Variants in NDUFS4 observed in about 807,000 individuals in gnomAD.
NDUFS4 encodes NADH:ubiquinone oxidoreductase subunit S4.
NDUFS4 carries 28 observed loss-of-function variants against 24.3 expected under a neutral mutation model. That is an observed-to-expected ratio of 1.15 (90% CI 0.85 to 1.58). The LOEUF (loss-of-function observed/expected upper bound fraction) is 1.58, where lower values mean the gene tolerates loss of function less well. NDUFS4 is among the 40% of genes most tolerant of loss of function. The probability of loss-of-function intolerance (pLI) is 0.00; values close to 1 mark genes in which losing one functional copy is unlikely to be tolerated. For synonymous variants in NDUFS4, 93 were observed against 69.7 expected (o/e 1.34, Z -1.67); for missense variants, 223 against 207.9 (o/e 1.07, Z -0.45).
At chr5:53,581,457 T>C (rs1390338155) in intron 1 of NDUFS4, among the ~76,000 whole-genome samples, 1 of 152,162 alleles carries the variant, frequency 6.6e-6, no homozygotes, top group Non-Finnish European at 1.5e-5. Context: ...CATACTTTCA[T>C]CAGTCCCCTC....
At chr5:53,611,597 CTT>C (rs1419875128) in intron 2 of NDUFS4, among the ~76,000 whole-genome samples, 2 of 151,262 alleles carry the variant, frequency 1.3e-5, no homozygotes, top group Non-Finnish European at 3.0e-5. Flanking sequence ...AAAAAAAAAA[CTT>C]TTTGTGGACT....
At chr5:53,682,978 A>C in intron 4 of NDUFS4, 140 bp from the exon 5 acceptor site, 1 of 737,604 alleles carries the variant, frequency 1.4e-6, no homozygotes, top group Non-Finnish European at 2.5e-6. Context: ...TAGTAAGTAT[A>C]TCTCAGATGT....
intron 2 of NDUFS4, among the ~76,000 whole-genome samples, chr5:53,622,498 A>G (rs1751078522): frequency 6.6e-6 from 1 of 152,110 alleles, no homozygotes; most frequent in African/African-American, 2.4e-5. Context: ...TCTTCTCATA[A>G]GGGCACTAAT....
chr5:53,648,882 A>G (rs1442313792), intron 3 of NDUFS4, among the ~76,000 whole-genome samples: 1 of 152,120 alleles, frequency 6.6e-6, no homozygotes, highest in Non-Finnish European at 1.5e-5. Context: ...CACCAATGTG[A>G]GATGTTGGAT....
chr5:53,591,036 C>A (rs72751837), intron 1 of NDUFS4, among the ~76,000 whole-genome samples: 20,314 of 152,140 alleles, frequency 0.13, 1,751 homozygotes, highest in Non-Finnish European at 0.18. Context: ...ATATACTATT[C>A]TTTTGTGATT....
chr5:53,639,267 T>C (rs1057505937), intron 2 of NDUFS4, among the ~76,000 whole-genome samples: 2 of 151,884 alleles, frequency 1.3e-5, no homozygotes, highest in African/African-American at 4.8e-5. Context: ...AATTGTCATG[T>C]AATAATATTC....
chr5:53,611,249 A>T (rs1476779181), intron 2 of NDUFS4, among the ~76,000 whole-genome samples: 1 of 150,658 alleles, frequency 6.6e-6, no homozygotes, highest in African/African-American at 2.4e-5. Context: ...AACAACATGT[A>T]TCTTATCTTT....
intron 4 of NDUFS4, among the ~76,000 whole-genome samples, chr5:53,672,737 A>G (rs2111579093): frequency 6.6e-6 from 1 of 152,250 alleles, no homozygotes; most frequent in South Asian, 2.1e-4. Context: ...TTAATTTGTC[A>G]TATATGCTTT....
chr5:53,586,713 C>T (rs988412579), intron 1 of NDUFS4, among the ~76,000 whole-genome samples: 29 of 151,958 alleles, frequency 1.9e-4, no homozygotes, highest in African/African-American at 6.5e-4. Context: ...TTAGTAGAGA[C>T]GGGGTTTCAC....
chr5:53,560,872 CT>C (rs1561326020), intron 1 of NDUFS4, 112 bp downstream of exon 1: 1 of 1,567,578 alleles, frequency 6.4e-7, no homozygotes. Context: ...TCTGTTGACC[CT>C]TTTCTCGGGA....
rs1749792296 is a variant in NDUFS4 at position 53,587,279 on chromosome 5, T to TA, written c.99-16173_99-16172insA. On this transcript the variant is annotated intron_variant, in intron 1 of 4. Coordinates refer to ENST00000296684, the MANE Select transcript of NDUFS4 (RefSeq NM_002495.4). ...AAGAAAATATATTATTCTTGCCCAT[T>TA]TTTCCACAGAGGAGGCATACTAATT... Among the ~76,000 whole-genome samples, 3 of 152,272 alleles carry TA rather than the reference T, an allele frequency of 2.0e-5. No individual in the cohort carries two copies. In the East Asian group the frequency reaches 5.8e-4, roughly 29 times the overall value.
rs1341226417 is a variant in NDUFS4, at chr5:53,621,959, C to T, written c.177+18429C>T. On this transcript the variant is annotated intron_variant, in intron 2 of 4. Transcript: ENST00000296684. ...TCATGATCTGCCCGTCTCGGCCTCC[C>T]AAAGTGCTGGGATTACAGGCGTGAG... is the stretch of plus-strand genomic sequence containing the variant. Among the ~76,000 whole-genome samples, 6 of 152,052 alleles carry T rather than the reference C, an allele frequency of 3.9e-5. 1 individual carries two copies. The highest frequency in any genetic ancestry group is 2.9e-5 in the Non-Finnish European group (2 of 67,996).
intron 4 of NDUFS4, among the ~76,000 whole-genome samples, chr5:53,675,119 CACTT>C (rs1347421153): frequency 2.0e-5 from 3 of 149,492 alleles, no homozygotes; most frequent in African/African-American, 4.9e-5. Flanking sequence ...TTTACATAAT[CACTT>C]ACTTTTCTCT....
intron 1 of NDUFS4, among the ~76,000 whole-genome samples, chr5:53,584,657 C>T (rs1749683760): frequency 6.6e-6 from 1 of 152,064 alleles, no homozygotes; most frequent in Non-Finnish European, 1.5e-5. Context: ...AGTTTTTAAA[C>T]ATAGGTATGC....
intron 1 of NDUFS4, among the ~76,000 whole-genome samples, chr5:53,583,681 T>G (rs1749646569): frequency 6.6e-6 from 1 of 152,238 alleles, no homozygotes; most frequent in South Asian, 2.1e-4. Flanking sequence ...CAACTAGAGT[T>G]TAAGGGATTT....
At chr5:53,680,780 G>A (rs1189008493) in intron 4 of NDUFS4, among the ~76,000 whole-genome samples, 1 of 152,032 alleles carries the variant, frequency 6.6e-6, no homozygotes, top group Non-Finnish European at 1.5e-5. Flanking sequence ...CACCAGCATG[G>A]CACATGTATA....
chr5:53,658,680 T>G, intron 4 of NDUFS4, 56 bp downstream of exon 4: 1 of 1,448,772 alleles, frequency 6.9e-7, no homozygotes, highest in Middle Eastern at 1.8e-4. Flanking sequence ...TTCTTAACCT[T>G]AATTAAAACC....
chr5:53,575,951 G>T (rs1216977367), intron 1 of NDUFS4, among the ~76,000 whole-genome samples: 3 of 152,206 alleles, frequency 2.0e-5, no homozygotes. Flanking sequence ...CACAATACAT[G>T]TACTTGTGGT....
chr5:53,562,727 C>T (rs1176299851), intron 1 of NDUFS4, among the ~76,000 whole-genome samples: 3 of 152,208 alleles, frequency 2.0e-5, no homozygotes, highest in South Asian at 2.1e-4. Flanking sequence ...TGTTCTTCAT[C>T]CTTAAGCATT....
Sources: gnomAD v4.1 joint callset for allele counts (sites outside exome capture counted in the v4.1 genomes callset) on GRCh38, gnomAD v4.1.1 for gene constraint, MANE v1.5 for transcripts, NCBI Gene and HGNC (gene_info 2026-07-23, HGNC 2026-07-21) for gene names.